GABRG3: variants seen among roughly 807,000 people sequenced by gnomAD.
GABRG3 encodes gamma-aminobutyric acid type A receptor subunit gamma3.
GABRG3 carries 25 observed loss-of-function variants against 48.8 expected under a neutral mutation model. The ratio of observed to expected loss-of-function variants is 0.51; its 90% CI spans 0.37 to 0.72. The LOEUF (loss-of-function observed/expected upper bound fraction) is 0.72, where lower values mean the gene tolerates loss of function less well. GABRG3 is among the 30% of genes least tolerant of loss of function. The probability of loss-of-function intolerance (pLI) is 0.00; values close to 1 mark genes in which losing one functional copy is unlikely to be tolerated. For missense variants in GABRG3, 394 were observed against 577.9 expected, an observed-to-expected ratio of 0.68 and a Z score of 3.26; for synonymous variants, 227 against 217.6, an observed-to-expected ratio of 1.04 and a Z score of -0.38.
rs372209253 is a variant in GABRG3, at chr15:27,180,221, G to A, written c.271-146588G>A. 9.2e-5 allele frequency among the ~76,000 whole-genome samples: 14 copies of A among 152,168 alleles called. No individual in the cohort carries two copies. The highest frequency in any genetic ancestry group is 1.9e-4 in the East Asian group (1 of 5,174). ...CACTTTTTCTGAAGGACCTTAGCAC[G>A]GTCTAAATAAAGTTTGTAAACCACT... On this transcript the variant is annotated intron_variant, in intron 3 of 9. Transcript: ENST00000615808. The surrounding 1 kb of genome is among the most constrained non-coding windows in gnomAD (Gnocchi z 4.2).
intron 3 of GABRG3, among the ~76,000 whole-genome samples, chr15:27,108,181 T>C (rs1370640530): frequency 1.3e-5 from 2 of 152,170 alleles, no homozygotes; most frequent in African/African-American, 4.8e-5. Context: ...TCTAATACAT[T>C]TGTTTAATGC....
chr15:27,517,367 T>G (rs555757594), intron 6 of GABRG3, among the ~76,000 whole-genome samples: 1 of 152,366 alleles, frequency 6.6e-6, no homozygotes, highest in East Asian at 1.9e-4. Context: ...GCCTCCCTCC[T>G]GCAAAGCACC....
chr15:27,163,967 TC>T (rs1424632752), intron 3 of GABRG3, among the ~76,000 whole-genome samples: 1 of 152,098 alleles, frequency 6.6e-6, no homozygotes, highest in Non-Finnish European at 1.5e-5. Context: ...GCGGACCAAT[TC>T]AGTTACGGGG....
chr15:27,425,419 A>G (rs113530158), intron 5 of GABRG3, among the ~76,000 whole-genome samples: 6,534 of 149,350 alleles, frequency 0.044, 172 homozygotes, highest in Middle Eastern at 0.11. Flanking sequence ...CCTGGCTAAC[A>G]AGGTGAAACC....
chr15:26,978,497 A>G (rs1235142279), intron 2 of GABRG3, among the ~76,000 whole-genome samples: 1 of 152,176 alleles, frequency 6.6e-6, no homozygotes, highest in Non-Finnish European at 1.5e-5. Flanking sequence ...ATTTTTATAT[A>G]AAATAAATAT....
At chr15:27,301,811 A>C (rs948621213) in intron 3 of GABRG3, among the ~76,000 whole-genome samples, 4 of 152,178 alleles carry the variant, frequency 2.6e-5, no homozygotes, top group Non-Finnish European at 5.9e-5. Flanking sequence ...AAAATATAAA[A>C]GCAGTCAGAT....
At chr15:27,473,117 T>G (rs1033738336) in intron 5 of GABRG3, among the ~76,000 whole-genome samples, 1 of 152,222 alleles carries the variant, frequency 6.6e-6, no homozygotes, top group Non-Finnish European at 1.5e-5. Context: ...ATTGTAATAC[T>G]CACTATATAA....
intron 3 of GABRG3, among the ~76,000 whole-genome samples, chr15:27,108,414 T>C (rs541878715): frequency 6.6e-6 from 1 of 152,356 alleles, no homozygotes; most frequent in South Asian, 2.1e-4. Flanking sequence ...ATAGACTTTG[T>C]ATGATTTCTG....
chr15:27,084,179 G>C (rs983767797), intron 3 of GABRG3, among the ~76,000 whole-genome samples: 1 of 152,210 alleles, frequency 6.6e-6, no homozygotes, highest in Non-Finnish European at 1.5e-5. Context: ...ATGGAATGTT[G>C]ATTCTTTCAG....
chr15:27,103,359 G>A (rs1421235646), intron 3 of GABRG3, among the ~76,000 whole-genome samples: 1 of 152,168 alleles, frequency 6.6e-6, no homozygotes. Flanking sequence ...CACAGTTAAA[G>A]TAGGAGTGTC....
At chr15:27,199,320 T>C (rs1888607657) in intron 3 of GABRG3, among the ~76,000 whole-genome samples, 1 of 152,156 alleles carries the variant, frequency 6.6e-6, no homozygotes, top group Admixed American at 6.5e-5. Flanking sequence ...CAAAACAACA[T>C]TTCCCAGAAT....
chr15:27,373,788 T>TA (rs1895492738), intron 5 of GABRG3, among the ~76,000 whole-genome samples: 1 of 152,176 alleles, frequency 6.6e-6, no homozygotes, highest in South Asian at 2.1e-4. Context: ...TGGATAATTT[T>TA]ATCTATAAAC....
intron 3 of GABRG3, among the ~76,000 whole-genome samples, chr15:27,285,357 G>A (rs1891577063): frequency 6.6e-6 from 1 of 151,472 alleles, no homozygotes; most frequent in Non-Finnish European, 1.5e-5. Flanking sequence ...CCAAGGGGGA[G>A]GTAGAGGACC....
rs138007460 is a variant in GABRG3 at position 27,094,134 on chromosome 15, G to A, written c.270+67313G>A. Reference sequence around the variant, plus strand: ...ACAGCCCACAGACCTGAATTAAGCTGGCTGCTTCCACGAGTCCTGTCCTGG... The same window carrying A: ...ACAGCCCACAGACCTGAATTAAGCTAGCTGCTTCCACGAGTCCTGTCCTGG... On this transcript the variant is annotated intron_variant, in intron 3 of 9. Transcript: ENST00000615808. Among the ~76,000 whole-genome samples the A allele has an allele frequency of 9.2e-5, 14 of 152,270 alleles. No individual in the cohort carries two copies. In the East Asian group the frequency reaches 2.5e-3, roughly 27 times the overall value.
intron 3 of GABRG3, among the ~76,000 whole-genome samples, chr15:27,279,646 C>A (rs1566991465): frequency 6.6e-6 from 1 of 152,190 alleles, no homozygotes. Context: ...GCTAGTACCA[C>A]ACGGTCTTGA....
intron 3 of GABRG3, among the ~76,000 whole-genome samples, chr15:27,219,213 C>T (rs1889368619): frequency 6.6e-6 from 1 of 152,086 alleles, no homozygotes; most frequent in South Asian, 2.1e-4. Context: ...ATTTCTATTG[C>T]TCTACACTGT....
intron 3 of GABRG3, among the ~76,000 whole-genome samples, chr15:27,072,873 A>G (rs1178843983): frequency 6.6e-6 from 1 of 152,238 alleles, no homozygotes; most frequent in African/African-American, 2.4e-5. Context: ...TGTGGAGTGG[A>G]AAATGTGGAA....
intron 3 of GABRG3, among the ~76,000 whole-genome samples, chr15:27,141,132 T>C (rs1226909874): frequency 6.6e-6 from 1 of 152,182 alleles, no homozygotes; most frequent in African/African-American, 2.4e-5. Flanking sequence ...GACATTAGCC[T>C]TTGTGATTGT....
At chr15:27,351,829 G>A (rs1894618073) in intron 5 of GABRG3, among the ~76,000 whole-genome samples, 1 of 149,648 alleles carries the variant, frequency 6.7e-6, no homozygotes, top group South Asian at 2.1e-4. Flanking sequence ...GTGTATGTGT[G>A]TATAGTGTGT....
Sources: allele counts gnomAD v4.1 joint callset (sites outside exome capture counted in the v4.1 genomes callset), GRCh38; gene constraint gnomAD v4.1.1; non-coding constraint Gnocchi (gnomAD v3.1); transcripts MANE v1.5; gene names NCBI Gene and HGNC (gene_info 2026-07-23, HGNC 2026-07-21).